The following PRDM1 variants were observed in gnomAD, a reference collection of about 807,000 sequenced individuals.
The protein encoded by PRDM1 is PR domain zinc finger protein 1.
Under a neutral mutation model 62.8 loss-of-function variants are expected in PRDM1, and 13 were observed. The ratio of observed to expected loss-of-function variants is 0.21; its 90% CI spans 0.13 to 0.33. The LOEUF (loss-of-function observed/expected upper bound fraction) is 0.33. PRDM1 is among the 10% of genes least tolerant of loss of function. The pLI, the probability that PRDM1 is intolerant of heterozygous loss-of-function variation, is 1.00. For missense variants in PRDM1, 895 were observed against 1,058.8 expected (o/e 0.85, Z 2.15); for synonymous variants, 396 against 417.6 (o/e 0.95, Z 0.63).
rs1773593673 is a variant in PRDM1 at position 106,075,616 on chromosome 6, T to TCTTTC, written c.-66-12583_-66-12582insTTCCT. Among the ~76,000 whole-genome samples the TCTTTC allele has an allele frequency of 2.0e-5, 3 of 152,358 alleles. No homozygotes were observed. In the South Asian group the frequency reaches 6.2e-4, roughly 32 times the overall value. On this transcript the variant is annotated intron_variant, in intron 1 of 6. Transcript: ENST00000651185. ...CCCTCATTTTTTCACATAGTGAGAA[T>TCTTTC]CTATCACCATCAGATGCTTATTAGG...
intron 1 of PRDM1, among the ~76,000 whole-genome samples, chr6:106,007,803 C>G (rs905359278): frequency 2.2e-4 from 34 of 152,278 alleles, no homozygotes; most frequent in African/African-American, 8.2e-4. Flanking sequence ...TTCCTAAATG[C>G]ATCTCCTAAC....
chr6:106,083,199 C>T (rs1323359481), upstream of PRDM1, among the ~76,000 whole-genome samples: 4 of 36,282 alleles, frequency 1.1e-4, no homozygotes, highest in East Asian at 1.6e-3. Flanking sequence ...TTACAGGAAG[C>T]GGGAAATGGG....
Position 106,106,788 on chromosome 6 carries a change from G to A in PRDM1, c.1903-123G>A, listed in dbSNP as rs1482263079. The A allele has an allele frequency of 7.9e-6, 9 of 1,142,056 alleles. No individual in the cohort carries two copies. The highest frequency in any genetic ancestry group is 9.9e-6 in the Non-Finnish European group (8 of 805,716). 70.7% of individuals were successfully genotyped at this position (1,142,056 alleles called of 1,614,324 possible). On this transcript the variant is annotated intron_variant, in intron 6 of 6. Coordinates refer to ENST00000369096, the MANE Select transcript of PRDM1 (RefSeq NM_001198.4). The surrounding 1 kb of genome is among the most constrained non-coding windows in gnomAD (Gnocchi z 4.4). ...TAATACCACACTGGAGGTGCCACAA[G>A]GAGGCTTCTCACCTCCTAGGTTGCT...
chr6:106,012,176 TACAC>T (rs1181457393), intron 1 of PRDM1, among the ~76,000 whole-genome samples: 3 of 74,072 alleles, frequency 4.1e-5, no homozygotes, highest in East Asian at 8.9e-4. Context: ...CACACCACAC[TACAC>T]ACACACACAA....
intron 1 of PRDM1, among the ~76,000 whole-genome samples, chr6:106,048,839 T>G (rs1201426206): frequency 6.6e-6 from 1 of 152,196 alleles, no homozygotes; most frequent in Non-Finnish European, 1.5e-5. Flanking sequence ...ATTTTTTTTT[T>G]TCTTTCTGAG....
chr6:106,104,431 G>A (rs1001361185), intron 4 of PRDM1, among the ~76,000 whole-genome samples: 8 of 152,106 alleles, frequency 5.3e-5, no homozygotes, highest in Admixed American at 1.3e-4. Context: ...GGCTGGTCTC[G>A]AACTTCCGAC....
At chr6:106,101,324 T>A (rs546963254) in intron 4 of PRDM1, among the ~76,000 whole-genome samples, 31 of 152,298 alleles carry the variant, frequency 2.0e-4, no homozygotes, top group Admixed American at 2.0e-3. Flanking sequence ...CCGCACCCTG[T>A]GCCAATCAAG....
chr6:105,992,846 A>G (rs1582418563), upstream of PRDM1, among the ~76,000 whole-genome samples: 2 of 152,146 alleles, frequency 1.3e-5, no homozygotes, highest in Middle Eastern at 3.2e-3. Flanking sequence ...ACCGCTACCT[A>G]CTAGGTAGGC....
In PRDM1 at chr6:106,106,464, C is replaced by T; in HGVS notation, c.1867C>T (p.Leu623=). ...GCTCGCCCACCTGCAGAAACACTAC[C>T]TGGTACACACGGGAGAAAAGCCACA... ...TQLAHLQKHY[L]VHTGEKPHEC... Residue 623 remains leucine, a synonymous_variant, in exon 6 of 7, where the codon CTG becomes TTG. Transcript: ENST00000369096. The surrounding 1 kb of genome is among the most constrained non-coding windows in gnomAD (Gnocchi z 4.4). 1.2e-6 allele frequency: 2 copies of T among 1,614,190 alleles called. No homozygotes were observed. Among genetic ancestry groups the T allele is most frequent in the Non-Finnish European group, 8.5e-7 (1 of 1,180,030 alleles).
chr6:105,999,796 A>G (rs1772405838), intron 1 of PRDM1, among the ~76,000 whole-genome samples: 1 of 152,218 alleles, frequency 6.6e-6, no homozygotes, highest in Non-Finnish European at 1.5e-5. Flanking sequence ...TAAATCCAAG[A>G]ATTTCAGAGT....
intron 1 of PRDM1, among the ~76,000 whole-genome samples, chr6:106,003,507 G>A (rs886822657): frequency 1.3e-5 from 2 of 152,126 alleles, no homozygotes; most frequent in East Asian, 3.8e-4. Flanking sequence ...TCTATCCTTA[G>A]ACATTTTAAA....
chr6:106,035,104 T>G (rs1772907005), intron 1 of PRDM1, among the ~76,000 whole-genome samples: 1 of 152,230 alleles, frequency 6.6e-6, no homozygotes, highest in Admixed American at 6.5e-5. Flanking sequence ...TATTTCTCTC[T>G]GTTTGTTCTA....
intron 1 of PRDM1, among the ~76,000 whole-genome samples, chr6:106,013,454 A>G (rs1385739949): frequency 2.0e-5 from 3 of 151,016 alleles, no homozygotes; most frequent in Middle Eastern, 3.2e-3. Flanking sequence ...CAGCCTCCCG[A>G]GTAGCTCGGA....
At chr6:106,045,247 T>A (rs1489397429), upstream of PRDM1, among the ~76,000 whole-genome samples, 1 of 152,112 alleles carries the variant, frequency 6.6e-6, no homozygotes, top group African/African-American at 2.4e-5. Flanking sequence ...GAGAAGTGGC[T>A]ATTGCACAAG....
chr6:106,060,932 G>T (rs187545488), intron 1 of PRDM1, among the ~76,000 whole-genome samples: 1 of 152,250 alleles, frequency 6.6e-6, no homozygotes, highest in East Asian at 1.9e-4. Flanking sequence ...TAGACCAGGA[G>T]ATCTGGGGAT....
chr6:106,032,597 C>G (rs545724511), intron 1 of PRDM1, among the ~76,000 whole-genome samples: 1 of 152,106 alleles, frequency 6.6e-6, no homozygotes, highest in African/African-American at 2.4e-5. Context: ...GCCACCACAC[C>G]CAGCTAATTT....
intron 1 of PRDM1, among the ~76,000 whole-genome samples, chr6:106,026,434 G>A (rs1213067498): frequency 6.6e-6 from 1 of 152,022 alleles, no homozygotes; most frequent in Non-Finnish European, 1.5e-5. Flanking sequence ...AGCCAAGATC[G>A]TGCCATTGCA....
intron 1 of PRDM1, among the ~76,000 whole-genome samples, chr6:105,995,146 C>T (rs1772332532): frequency 6.6e-6 from 1 of 152,182 alleles, no homozygotes; most frequent in Admixed American, 6.5e-5. Context: ...TTTAGGTCTT[C>T]GGTTCGTGAC....
chr6:106,062,171 G>A lies in PRDM1; in HGVS notation c.-67+13457G>A, dbSNP rs116344835. ...TAATTCTTTTAGGATATTTATAGAG[G>A]TTCTTGATCATTTCAAATTTGGAAC... On this transcript the variant is annotated intron_variant, in intron 1 of 6. Coordinates refer to the PRDM1 transcript ENST00000651185. Among the ~76,000 whole-genome samples, 1,363 of 152,220 alleles carry A rather than the reference G, an allele frequency of 9.0e-3. 29 individuals are homozygous for A. Among genetic ancestry groups the A allele is most frequent in the African/African-American group, 0.031 (1,288 of 41,538 alleles).
Sources: allele counts gnomAD v4.1 joint callset (sites outside exome capture counted in the v4.1 genomes callset), GRCh38; gene constraint gnomAD v4.1.1; non-coding constraint Gnocchi (gnomAD v3.1); transcripts MANE v1.5; gene names NCBI Gene and HGNC (gene_info 2026-07-23, HGNC 2026-07-21).